The following STUB1 variants were observed in gnomAD, a reference collection of about 807,000 sequenced individuals.
STUB1 encodes STIP1 homology and U-box containing protein 1, also known as E3 ubiquitin-protein ligase CHIP.
A neutral mutation model predicts 40.3 loss-of-function variants in STUB1; 37 were observed. The ratio of observed to expected loss-of-function variants is 0.92; its 90% CI spans 0.71 to 1.21. STUB1 has a LOEUF of 1.21. STUB1 is among the 50% of genes most tolerant of loss of function. The probability of loss-of-function intolerance (pLI) is 0.00; values close to 1 mark genes in which losing one functional copy is unlikely to be tolerated. For missense variants in STUB1, 460 were observed against 421.9 expected (o/e 1.09, Z -0.79); for synonymous variants, 246 against 171.9 (o/e 1.43, Z -3.37).
chr16:682,294 G>A lies in STUB1; in HGVS notation c.786+13G>A. 6.2e-7 allele frequency: 1 copy of A among 1,612,496 alleles called. No homozygotes were observed. The highest frequency in any genetic ancestry group is 8.5e-7 in the Non-Finnish European group (1 of 1,179,798). On this transcript the variant is annotated intron_variant, in intron 6 of 6. Transcript: ENST00000219548. The stretch of plus-strand genomic sequence containing the variant: ...GGAGCACCTGCAGGTGAGGCCTGCG[G>A]CTGGGGGAGCAGGGCCAGTGGCATG...
intron 3 of STUB1, 51 bp from the exon 4 acceptor site, chr16:681,742 G>C: frequency 3.8e-6 from 6 of 1,559,860 alleles, no homozygotes; most frequent in Non-Finnish European, 5.2e-6. Context: ...TTGGGGTGTG[G>C]TCAGACATCT....
At position 680,853 on chromosome 16, in the gene STUB1, G is replaced by A. The variant is rs1280612779; in HGVS notation, c.159+169G>A. On this transcript the variant is annotated intron_variant, in intron 1 of 6. Transcript: ENST00000219548. The surrounding 1 kb of genome is among the most constrained non-coding windows in gnomAD (Gnocchi z 4.9). ...GCCGGGTGCCGGAGAACGAGGGTGC[G>A]ATGCTGGATGGAGGCCGGCCGGGTG... 1.9e-5 allele frequency: 13 copies of A among 686,582 alleles called. No individual in the cohort carries two copies. Among genetic ancestry groups the A allele is most frequent in the Admixed American group, 1.6e-4 (4 of 24,280 alleles). 42.5% of individuals were successfully genotyped at this position (686,582 alleles called of 1,614,324 possible).
chr16:681,922 A>T, intron 4 of STUB1, 42 bp downstream of exon 4: 1 of 1,612,784 alleles, frequency 6.2e-7, no homozygotes, highest in Admixed American at 1.7e-5. Flanking sequence ...GTGTGTGTGC[A>T]CGTGGCGTGG....
rs2039707561 is a variant in STUB1, at chr16:682,453, A to C, written c.876A>C (p.Ala292=). ...TGGCTATGAAGGAGGTTATTGACGC[A>C]TTCATCTCTGAGAATGGCTGGGTGG... The part of the protein sequence containing the change: ...PNLAMKEVID[A]FISENGWVED... Residue 292 remains alanine (A), a synonymous_variant, in exon 7 of 7, where the codon GCA becomes GCC. Coordinates refer to ENST00000219548, the MANE Select transcript of STUB1 (RefSeq NM_005861.4). 1 of 1,613,486 alleles carries C rather than the reference A, an allele frequency of 6.2e-7. No individual in the cohort carries two copies. Among genetic ancestry groups the C allele is most frequent in the Non-Finnish European group, 8.5e-7 (1 of 1,180,020 alleles).
At position 682,001 on chromosome 16, in the gene STUB1, A is replaced by G. The variant is rs1239820446; in HGVS notation, c.613-19A>G. The G allele has an allele frequency of 3.7e-6, 6 of 1,609,962 alleles. No homozygotes were observed. Among genetic ancestry groups the G allele is most frequent in the African/African-American group, 1.3e-5 (1 of 74,882 alleles). ...GAGGTGGGGTGTCTCCCCCAAGCAC[A>G]GCACTCAACTCTTCACAGGACAAGT... On this transcript the variant is annotated intron_variant, in intron 4 of 6. Coordinates refer to ENST00000219548, the MANE Select transcript of STUB1 (RefSeq NM_005861.4).
At position 682,627 on chromosome 16, in the gene STUB1, C is replaced by T. The variant is rs1000603813; in HGVS notation, c.*138C>T. ...TGTTGGACTCTGGACTGTTTCCCCT[C>T]TCAGCATCGCTTTTGCTGGGCCGTG... On this transcript the variant is annotated 3_prime_UTR_variant, in exon 7 of 7. Transcript: ENST00000219548. The T allele has an allele frequency of 1.1e-5, 16 of 1,436,674 alleles. No individual in the cohort carries two copies. In the South Asian group the frequency reaches 1.4e-4, roughly 13 times the overall value. The allele number at this position is 1,436,674 out of a possible 1,614,324, so 89.0% of individuals were successfully genotyped here. A position where few individuals can be genotyped will look rare whatever the true frequency, so the allele number is the denominator to read the frequency against.
In STUB1 at chr16:682,800, G is replaced by A. The variant is rs369428970; in HGVS notation, c.*311G>A. 1.4e-5 allele frequency: 22 copies of A among 1,612,822 alleles called. No individual in the cohort carries two copies. Among genetic ancestry groups the A allele is most frequent in the Middle Eastern group, 1.6e-4 (1 of 6,084 alleles). The stretch of plus-strand genomic sequence containing the variant: ...GTCCTGCCAGCTGTTTTGGCTAGCC[G>A]AGGAAGGTGGAGATGAAGACGCTGG... On this transcript the variant is annotated 3_prime_UTR_variant, in exon 7 of 7. Coordinates refer to ENST00000219548, the MANE Select transcript of STUB1 (RefSeq NM_005861.4).
In STUB1 at chr16:680,555, C is replaced by T. The variant is rs1159168343; in HGVS notation, c.30C>T (p.Gly10=). The T allele has an allele frequency of 5.9e-6, 8 of 1,358,398 alleles. No individual in the cohort carries two copies. Among genetic ancestry groups the T allele is most frequent in the African/African-American group, 3.0e-5 (2 of 65,742 alleles). The allele number at this position is 1,358,398 out of a possible 1,614,324, so 84.1% of individuals were successfully genotyped here. MKGKEEKEG[G]ARLGAGGGSP... is the part of the protein sequence containing the mutation. ...AGGGCAAGGAGGAGAAGGAGGGCGGCGCACGGCTGGGCGCTGGCGGCGGAA... is the reference window on the plus strand; with the variant it reads ...AGGGCAAGGAGGAGAAGGAGGGCGGTGCACGGCTGGGCGCTGGCGGCGGAA... The change falls in exon 1 of 7, where the codon GGC becomes GGT. Residue 10 remains glycine (G), a synonymous_variant. Transcript: ENST00000219548. This position sits in a 1 kb window ranked among gnomAD's most constrained non-coding sequence, Gnocchi z 4.9.
In STUB1 at chr16:680,677, G is replaced by A; in HGVS notation, c.152G>A (p.Arg51His). 3 of 1,267,398 alleles carry A rather than the reference G, an allele frequency of 2.4e-6. No individual in the cohort carries two copies. The highest frequency in any genetic ancestry group is 2.1e-4 in the Middle Eastern group (1 of 4,678). The allele number at this position is 1,267,398 out of a possible 1,614,324, so 78.5% of individuals were successfully genotyped here. Reference protein sequence around the residue: ...KYPEAAACYGRAITRNPLVAV... With the variant: ...KYPEAAACYGHAITRNPLVAV... ...CCGGAGGCGGCGGCCTGCTACGGCC[G>A]CGCGATCGTGAGTGCGCCCGCGCGG... Residue 51 changes from arginine to histidine, a missense_variant, in exon 1 of 7, where the codon CGC becomes CAC. Transcript: ENST00000219548. This position sits in a 1 kb window ranked among gnomAD's most constrained non-coding sequence, Gnocchi z 4.9.
Position 680,905 on chromosome 16 carries a change from TGAG to T in STUB1, c.159+224_159+226del, listed in dbSNP as rs1488644239. 3 of 623,114 alleles carry T rather than the reference TGAG, an allele frequency of 4.8e-6. No individual in the cohort carries two copies. The highest frequency in any genetic ancestry group is 7.2e-5 in the Admixed American group (2 of 27,660). 38.6% of individuals were successfully genotyped at this position (623,114 alleles called of 1,614,324 possible). A position where few individuals can be genotyped will look rare whatever the true frequency, so the allele number is the denominator to read the frequency against. On this transcript the variant is annotated intron_variant, in intron 1 of 6. Coordinates refer to ENST00000219548, the MANE Select transcript of STUB1 (RefSeq NM_005861.4). This position sits in a 1 kb window ranked among gnomAD's most constrained non-coding sequence, Gnocchi z 4.9. ...GGGGAGGGCAGGGGCCCTCGACCCTTGAGGACCCCAGGTCCTAAGCCCGGACTC... is the reference window on the plus strand; with the variant it reads ...GGGGAGGGCAGGGGCCCTCGACCCTTGACCCCAGGTCCTAAGCCCGGACTC...
rs1477526142 is a variant in STUB1, at chr16:680,987, A to C, written c.160-165A>C. The C allele has an allele frequency of 2.7e-6, 2 of 738,146 alleles. No homozygotes were observed. Among genetic ancestry groups the C allele is most frequent in the Non-Finnish European group, 2.2e-6 (1 of 463,094 alleles). 45.7% of individuals were successfully genotyped at this position (738,146 alleles called of 1,614,324 possible). On this transcript the variant is annotated intron_variant, in intron 1 of 6. Coordinates refer to ENST00000219548, the MANE Select transcript of STUB1 (RefSeq NM_005861.4). This position sits in a 1 kb window ranked among gnomAD's most constrained non-coding sequence, Gnocchi z 4.9. ...CAAGTGGAATCAAGCGGATAGGCTC[A>C]GCCAGTACTCCACTGTGCACAGATC... is the stretch of plus-strand genomic sequence containing the variant.
Position 682,012 on chromosome 16 carries a change from C to T in STUB1, c.613-8C>T, listed in dbSNP as rs2039681550. The T allele has an allele frequency of 6.2e-7, 1 of 1,606,776 alleles. No homozygotes were observed. Among genetic ancestry groups the T allele is most frequent in the Non-Finnish European group, 8.5e-7 (1 of 1,174,680 alleles). On this transcript the variant is annotated splice_polypyrimidine_tract_variant and splice_region_variant and intron_variant, in intron 4 of 6. Coordinates refer to ENST00000219548, the MANE Select transcript of STUB1 (RefSeq NM_005861.4). ...TCTCCCCCAAGCACAGCACTCAACT[C>T]TTCACAGGACAAGTACATGGCGGAC...
At chr16:681,128 G>T in intron 1 of STUB1, 24 bp from the exon 2 acceptor site, 2 of 1,541,770 alleles carry the variant, frequency 1.3e-6, no homozygotes, top group African/African-American at 1.4e-5. Context: ...GCCCTCATGC[G>T]GCTGGCCCGG....
Position 681,424 on chromosome 16 carries a change from C to T in STUB1, c.359-14C>T, listed in dbSNP as rs1037428815. On this transcript the variant is annotated splice_polypyrimidine_tract_variant and intron_variant, in intron 2 of 6. Transcript: ENST00000219548. ...GGACTGGCCAGAGAGTGACGTGAAG[C>T]CCCCGTTCCCCAGCTTACAGCCTGG... 1.1e-5 allele frequency: 17 copies of T among 1,609,298 alleles called. No individual in the cohort carries two copies. Among genetic ancestry groups the T allele is most frequent in the East Asian group, 6.7e-5 (3 of 44,768 alleles).
chr16:680,931 C>G lies in STUB1; in HGVS notation c.160-221C>G, dbSNP rs971989402. 1.0e-5 allele frequency: 7 copies of G among 669,444 alleles called. No homozygotes were observed. In the African/African-American group the frequency reaches 1.1e-4, roughly 11 times the overall value. The allele number at this position is 669,444 out of a possible 1,614,324, so 41.5% of individuals were successfully genotyped here. On this transcript the variant is annotated intron_variant, in intron 1 of 6. Transcript: ENST00000219548. The surrounding 1 kb of genome is among the most constrained non-coding windows in gnomAD (Gnocchi z 4.9). ...GAGGACCCCAGGTCCTAAGCCCGGA[C>G]TCTCCAAAGATTTGGAAAACTTTAC...
In STUB1 at chr16:681,339, A is replaced by G. The variant is rs775164755; in HGVS notation, c.347A>G (p.Asn116Ser). ...EMESYDEAIA[N>S]LQRAYSLAKE... ...GAGAGCTATGATGAGGCCATCGCCA[A>G]TCTGCAGCGAGGTTGGCTGACAAGC... is the stretch of plus-strand genomic sequence containing the variant. The change falls in exon 2 of 7, where the codon AAT (asparagine) becomes AGT (serine). Residue 116 changes from asparagine (N) to serine (S), a missense_variant. Asn to Ser is a conservative substitution (Grantham distance 46). Transcript: ENST00000219548. The G allele has an allele frequency of 3.7e-6, 6 of 1,612,666 alleles. No individual in the cohort carries two copies. Among genetic ancestry groups the G allele is most frequent in the Admixed American group, 3.3e-5 (2 of 59,992 alleles).
In STUB1 at chr16:680,867, G is replaced by T; in HGVS notation, c.159+183G>T. On this transcript the variant is annotated intron_variant, in intron 1 of 6. Coordinates refer to ENST00000219548, the MANE Select transcript of STUB1 (RefSeq NM_005861.4). This position sits in a 1 kb window ranked among gnomAD's most constrained non-coding sequence, Gnocchi z 4.9. ...AACGAGGGTGCGATGCTGGATGGAG[G>T]CCGGCCGGGTGGGGGGAGGGCAGGG... 1.6e-6 allele frequency: 1 copy of T among 638,214 alleles called. No individual in the cohort carries two copies. Among genetic ancestry groups the T allele is most frequent in the South Asian group, 3.2e-5 (1 of 30,868 alleles). The allele number at this position is 638,214 out of a possible 1,614,324, so 39.5% of individuals were successfully genotyped here. A position where few individuals can be genotyped will look rare whatever the true frequency, so the allele number is the denominator to read the frequency against.
At position 682,558 on chromosome 16, in the gene STUB1, A is replaced by G. The variant is rs2039714749; in HGVS notation, c.*69A>G. 1.3e-6 allele frequency: 2 copies of G among 1,597,288 alleles called. No individual in the cohort carries two copies. The highest frequency in any genetic ancestry group is 1.3e-5 in the African/African-American group (1 of 74,518). On this transcript the variant is annotated 3_prime_UTR_variant, in exon 7 of 7. Coordinates refer to ENST00000219548, the MANE Select transcript of STUB1 (RefSeq NM_005861.4). ...GCAGAAGCCCCCGGCCCCTATACAT[A>G]GTTTATGTTCCTGGCCACCCCGACC... is the stretch of plus-strand genomic sequence containing the variant.
chr16:681,533 G>A lies in STUB1; in HGVS notation c.454G>A (p.Glu152Lys). 7.4e-6 allele frequency: 12 copies of A among 1,612,222 alleles called. No individual in the cohort carries two copies. Among genetic ancestry groups the A allele is most frequent in the Non-Finnish European group, 1.0e-5 (12 of 1,179,912 alleles). Residue 152 changes from glutamate (E) to lysine (K), a missense_variant, in exon 3 of 7, where the codon GAG becomes AAG. Transcript: ENST00000219548. ...GAAGAAGCGCTGGAACAGCATTGAG[G>A]AGCGGCGCATCCACCAGGAGAGCGA... ...AKKKRWNSIE[E>K]RRIHQESELH...
Sources: gnomAD v4.1 joint callset for allele counts on GRCh38, gnomAD v4.1.1 for gene constraint, Gnocchi (gnomAD v3.1) non-coding constraint, MANE v1.5 for transcripts, NCBI Gene and HGNC (gene_info 2026-07-23, HGNC 2026-07-21) for gene names.